Variants in HMGXB4 observed in about 807,000 individuals in gnomAD.
HMGXB4 encodes HMG-box containing 4.
HMGXB4 carries 27 observed loss-of-function variants against 63.9 expected under a neutral mutation model. The observed-to-expected ratio is 0.42, with a 90% CI of 0.31 to 0.58. The LOEUF is 0.58. Among genes scored for constraint, HMGXB4 ranks in the 20% least tolerant of loss-of-function variants. HMGXB4 has a pLI of 0.13. For synonymous variants in HMGXB4, 264 were observed against 265.3 expected (o/e 0.99, Z 0.05); for missense variants, 624 against 700.7 (o/e 0.89, Z 1.24).
At chr22:35,281,530 T>C (rs1303821308) in intron 5 of HMGXB4, among the ~76,000 whole-genome samples, 1 of 152,256 alleles carries the variant, frequency 6.6e-6, no homozygotes, top group African/African-American at 2.4e-5. Context: ...GTTAGCCTTA[T>C]AGAATAGGAA....
intron 9 of HMGXB4, among the ~76,000 whole-genome samples, chr22:35,292,016 C>G (rs980615550): frequency 6.6e-6 from 1 of 152,018 alleles, no homozygotes; most frequent in Non-Finnish European, 1.5e-5. Flanking sequence ...AATGGATGCT[C>G]AAAGGAGGGC....
chr22:35,245,350 G>A, the HMGXB4 span, among the ~76,000 whole-genome samples: 4 of 101,062 alleles, frequency 4.0e-5, no homozygotes, highest in South Asian at 1.3e-3. Context: ...TTTTGGCTGA[G>A]ACTATCTTTT....
the HMGXB4 span, among the ~76,000 whole-genome samples, chr22:35,250,256 G>A: frequency 6.6e-6 from 1 of 152,100 alleles, no homozygotes; most frequent in African/African-American, 2.4e-5. Context: ...TAAATAAGAG[G>A]GGTTTACTTG....
upstream of HMGXB4, among the ~76,000 whole-genome samples, chr22:35,252,730 G>A (rs74281799): frequency 0.066 from 9,984 of 152,266 alleles, 443 homozygotes; most frequent in African/African-American, 0.13. Context: ...GTGGCCAGGC[G>A]TAGTGGCTCA....
Position 35,289,878 on chromosome 22 carries a change from A to T in HMGXB4, c.1638+1471A>T, listed in dbSNP as rs193142490. ...TTCTAGTAAGACATTTCAGCAAAGA[A>T]GTCAGTCTAAGCTACTAAAGCCATT... is the stretch of plus-strand genomic sequence containing the variant. On this transcript the variant is annotated intron_variant, in intron 9 of 10. Coordinates refer to ENST00000216106, the MANE Select transcript of HMGXB4 (RefSeq NM_001003681.3). Among the ~76,000 whole-genome samples the T allele has an allele frequency of 3.3e-5, 5 of 152,378 alleles. No homozygotes were observed. In the East Asian group the frequency reaches 9.6e-4, roughly 29 times the overall value.
intron 9 of HMGXB4, among the ~76,000 whole-genome samples, chr22:35,290,534 G>A (rs978104731): frequency 2.0e-5 from 3 of 151,470 alleles, no homozygotes; most frequent in Non-Finnish European, 4.4e-5. Context: ...GAGAGGCTGA[G>A]GCAGGAGAAT....
At position 35,264,666 on chromosome 22, in the gene HMGXB4, C is replaced by A. The variant is rs746800426; in HGVS notation, c.278C>A (p.Ser93Ter). 6.4e-7 allele frequency: 1 copy of A among 1,570,456 alleles called. No homozygotes were observed. ...YYYGDISSLE[S>*]SQKKKKKSSP... ...TTTCTAGATATTTCGTCTTTGGAAT[C>A]GTCACAGAAGAAAAAGAAAAAGTCC... The change falls in exon 5 of 11, where the codon TCG (serine) becomes TAG (stop). Residue 93 changes from serine to a stop codon, truncating the protein, a stop_gained. Coordinates refer to ENST00000216106, the MANE Select transcript of HMGXB4 (RefSeq NM_001003681.3). LOFTEE classifies it high-confidence loss of function.
the HMGXB4 span, among the ~76,000 whole-genome samples, chr22:35,241,544 G>A: frequency 6.6e-6 from 1 of 152,190 alleles, no homozygotes; most frequent in Non-Finnish European, 1.5e-5. Flanking sequence ...ATGGATCCCG[G>A]TGGTGCCAGG....
intron 5 of HMGXB4, among the ~76,000 whole-genome samples, chr22:35,278,326 G>A (rs766815659): frequency 6.6e-6 from 1 of 152,202 alleles, no homozygotes; most frequent in Non-Finnish European, 1.5e-5. Flanking sequence ...CCAAGTGCAG[G>A]TTTTTGTGTG....
At chr22:35,255,709 T>C (rs1024947563), upstream of HMGXB4, among the ~76,000 whole-genome samples, 1 of 152,248 alleles carries the variant, frequency 6.6e-6, no homozygotes, top group Non-Finnish European at 1.5e-5. Context: ...ATTTCAATCA[T>C]GTGAGCCAAT....
At chr22:35,282,856 A>G (rs143701547) in intron 5 of HMGXB4, among the ~76,000 whole-genome samples, 5 of 152,358 alleles carry the variant, frequency 3.3e-5, no homozygotes, top group Non-Finnish European at 7.3e-5. Context: ...CTCTTTCTAG[A>G]TAGGAAAAAC....
At chr22:35,286,142 C>T in intron 7 of HMGXB4, 81 bp downstream of exon 7, 3 of 965,344 alleles carry the variant, frequency 3.1e-6, no homozygotes, top group Non-Finnish European at 4.8e-6. Flanking sequence ...ACTAGCCAGC[C>T]AGACAGCACT....
chr22:35,290,630 CAAAAAA>C (rs767279436), intron 9 of HMGXB4, among the ~76,000 whole-genome samples: 10 of 52,852 alleles, frequency 1.9e-4, no homozygotes, highest in South Asian at 7.0e-4. Context: ...GACTCCGCCT[CAAAAAA>C]AAAAAAAAAA....
At chr22:35,256,518 G>T (rs904953639), upstream of HMGXB4, among the ~76,000 whole-genome samples, 12 of 151,974 alleles carry the variant, frequency 7.9e-5, no homozygotes, top group Non-Finnish European at 1.5e-4. Context: ...TATATTTTTT[G>T]AGATGGAGTC....
intron 5 of HMGXB4, among the ~76,000 whole-genome samples, chr22:35,272,785 T>C (rs1199094235): frequency 6.6e-6 from 1 of 151,566 alleles, no homozygotes; most frequent in Non-Finnish European, 1.5e-5. Flanking sequence ...AGTACAAAAA[T>C]TAGCCAGGCG....
At chr22:35,259,328 C>T (rs1248579122) in intron 1 of HMGXB4, among the ~76,000 whole-genome samples, 3 of 152,338 alleles carry the variant, frequency 2.0e-5, no homozygotes, top group Non-Finnish European at 4.4e-5. Context: ...GAGTTGACAA[C>T]ATTGAATTTT....
the HMGXB4 span, among the ~76,000 whole-genome samples, chr22:35,243,239 G>A: frequency 9.2e-5 from 14 of 152,056 alleles, no homozygotes; most frequent in Admixed American, 4.6e-4. Context: ...GTGTGGTGGC[G>A]CACACCAGTA....
intron 5 of HMGXB4, among the ~76,000 whole-genome samples, chr22:35,281,422 G>A (rs751032364): frequency 5.3e-5 from 8 of 152,170 alleles, no homozygotes; most frequent in Non-Finnish European, 8.8e-5. Context: ...ATCGAATAAA[G>A]TCCTTTATAA....
rs35534975 is a variant in HMGXB4, at chr22:35,261,435, C to CAAA, written c.-68-873_-68-871dup. Among the ~76,000 whole-genome samples the CAAA allele has an allele frequency of 7.7e-3, 965 of 125,240 alleles. 6 individuals carry two copies. The highest frequency in any genetic ancestry group is 0.031 in the African/African-American group (927 of 30,262). 82.2% of individuals were successfully genotyped at this position (125,240 alleles called of 152,430 possible). A position where few individuals can be genotyped will look rare whatever the true frequency, so the allele number is the denominator to read the frequency against. ...TGGGCAACAGAGCAAGACTCTATCTCAAAAAAAAAAAAAAAAATCCTTTTA... is the reference window on the plus strand; with the variant it reads ...TGGGCAACAGAGCAAGACTCTATCTCAAAAAAAAAAAAAAAAAAAATCCTTTTA... On this transcript the variant is annotated intron_variant, in intron 1 of 10. Transcript: ENST00000216106.
Sources: gnomAD v4.1 joint callset for allele counts (sites outside exome capture counted in the v4.1 genomes callset) on GRCh38, gnomAD v4.1.1 for gene constraint, MANE v1.5 for transcripts, NCBI Gene and HGNC (gene_info 2026-07-23, HGNC 2026-07-21) for gene names.